Variants in ARMH4 observed in about 807,000 individuals in gnomAD.
The protein encoded by ARMH4 is armadillo like helical domain containing 4.
ARMH4 carries 49 observed loss-of-function variants against 61.9 expected under a neutral mutation model. The observed-to-expected ratio is 0.79, with a 90% CI of 0.63 to 1.00. The LOEUF (loss-of-function observed/expected upper bound fraction) is 1.00. Ranked by LOEUF, ARMH4 falls within the 50% of genes least tolerant of loss-of-function variation. The pLI is 0.00. For synonymous variants in ARMH4, 368 were observed against 341.5 expected, an observed-to-expected ratio of 1.08 and a Z score of -0.85; for missense variants, 934 against 930.0, an observed-to-expected ratio of 1.00 and a Z score of -0.06.
At chr14:58,031,967 G>A (rs1376308615) in intron 5 of ARMH4, among the ~76,000 whole-genome samples, 1 of 152,132 alleles carries the variant, frequency 6.6e-6, no homozygotes, top group Non-Finnish European at 1.5e-5. Context: ...GAAAAAGTCT[G>A]ACCTTCACTC....
Position 58,057,962 on chromosome 14 carries a change from T to C in ARMH4, c.2089+38762A>G, listed in dbSNP as rs573214209. ...AGTATGAGAGTTCAAACAAGCAGTATAAAACAACCACAGTACACACAGAAA... is the reference window on the plus strand; with the variant it reads ...AGTATGAGAGTTCAAACAAGCAGTACAAAACAACCACAGTACACACAGAAA... On this transcript the variant is annotated intron_variant, in intron 5 of 7. Coordinates refer to ENST00000267485, the MANE Select transcript of ARMH4 (RefSeq NM_001001872.4). Among the ~76,000 whole-genome samples, 3 of 152,286 alleles carry C rather than the reference T, an allele frequency of 2.0e-5. No homozygotes were observed. The East Asian group carries it at 5.8e-4, about 29-fold the overall frequency.
chr14:58,116,436 A>G, intron 4 of ARMH4: 2 of 383,932 alleles, frequency 5.2e-6, no homozygotes, highest in African/African-American at 2.1e-5. Context: ...ACACTTTGGG[A>G]GGCCGAGGCA....
chr14:58,014,801 C>T (rs962515641), intron 5 of ARMH4, among the ~76,000 whole-genome samples: 2 of 152,106 alleles, frequency 1.3e-5, no homozygotes, highest in Non-Finnish European at 2.9e-5. Flanking sequence ...AATGTAGGGA[C>T]TAAAGAGTGA....
At chr14:58,028,696 G>A (rs929978641) in intron 5 of ARMH4, among the ~76,000 whole-genome samples, 1 of 152,150 alleles carries the variant, frequency 6.6e-6, no homozygotes, top group Non-Finnish European at 1.5e-5. Flanking sequence ...TGGCTGCAGT[G>A]CAGGAGGCCA....
At chr14:58,148,564 C>G (rs1887822465) in intron 1 of ARMH4, among the ~76,000 whole-genome samples, 1 of 152,034 alleles carries the variant, frequency 6.6e-6, no homozygotes, top group African/African-American at 2.4e-5. Flanking sequence ...TTGTTTGCCA[C>G]ATAATTAGTA....
At chr14:58,012,548 A>G (rs767200596) in intron 5 of ARMH4, among the ~76,000 whole-genome samples, 1 of 152,182 alleles carries the variant, frequency 6.6e-6, no homozygotes, top group Non-Finnish European at 1.5e-5. Flanking sequence ...GCTTGAATCA[A>G]TATCAGAGGG....
chr14:58,143,934 C>A (rs1304717134), intron 1 of ARMH4, among the ~76,000 whole-genome samples: 1 of 151,648 alleles, frequency 6.6e-6, no homozygotes, highest in African/African-American at 2.4e-5. Context: ...CCATCACACC[C>A]AGCTAATTTT....
chr14:58,004,673 TGC>T lies in ARMH4; in HGVS notation c.*61_*62del. On this transcript the variant is annotated 3_prime_UTR_variant, in exon 8 of 8. Transcript: ENST00000267485. ...TGGCAGGTTGTTCTTTTTTTTTTTC[TGC>T]TCCAAAATAAAAATTAGAATAGTAG... 6.0e-6 allele frequency: 8 copies of T among 1,328,678 alleles called. No homozygotes were observed. Among genetic ancestry groups the T allele is most frequent in the Admixed American group, 2.0e-5 (1 of 50,712 alleles). The allele number at this position is 1,328,678 out of a possible 1,614,324, so 82.3% of individuals were successfully genotyped here.
chr14:58,031,124 G>A (rs974933357), intron 5 of ARMH4, among the ~76,000 whole-genome samples: 3 of 152,202 alleles, frequency 2.0e-5, no homozygotes, highest in African/African-American at 4.8e-5. Flanking sequence ...AAAGTGTTAT[G>A]TATTTATGAA....
At chr14:58,072,929 C>T (rs1402432824) in intron 5 of ARMH4, among the ~76,000 whole-genome samples, 3 of 152,170 alleles carry the variant, frequency 2.0e-5, no homozygotes, top group African/African-American at 7.2e-5. Flanking sequence ...GAAAATACTT[C>T]TGTGTATATT....
chr14:58,122,542 C>G (rs890194677), intron 4 of ARMH4, among the ~76,000 whole-genome samples: 4 of 152,090 alleles, frequency 2.6e-5, no homozygotes, highest in African/African-American at 9.7e-5. Flanking sequence ...CGGAGCAAAA[C>G]TTAGAAACCC....
At chr14:58,126,669 A>G (rs923745412) in intron 4 of ARMH4, among the ~76,000 whole-genome samples, 2 of 152,216 alleles carry the variant, frequency 1.3e-5, no homozygotes, top group African/African-American at 2.4e-5. Flanking sequence ...AACTAAATAT[A>G]AAGACAGACA....
intron 5 of ARMH4, among the ~76,000 whole-genome samples, chr14:58,091,460 G>GA: frequency 6.6e-6 from 1 of 151,996 alleles, no homozygotes; most frequent in South Asian, 2.1e-4. Context: ...GTTTTGAGGG[G>GA]AAAAAAATGT....
At chr14:58,101,269 T>G (rs953899670) in intron 4 of ARMH4, 2 of 152,504 alleles carry the variant, frequency 1.3e-5, no homozygotes, top group African/African-American at 4.8e-5. Context: ...CAGAGAATTC[T>G]GTCACAAATT....
At chr14:58,026,515 T>C (rs1883025993) in intron 5 of ARMH4, among the ~76,000 whole-genome samples, 1 of 152,160 alleles carries the variant, frequency 6.6e-6, no homozygotes, top group Non-Finnish European at 1.5e-5. Flanking sequence ...AATTCATTGG[T>C]GAAAAAGAAA....
At chr14:58,091,999 C>T (rs889454472) in intron 5 of ARMH4, among the ~76,000 whole-genome samples, 11 of 152,198 alleles carry the variant, frequency 7.2e-5, no homozygotes, top group African/African-American at 2.4e-4. Context: ...AACAGAAGTA[C>T]AGAGAATTTG....
chr14:58,024,824 G>C (rs1882965567), intron 5 of ARMH4, among the ~76,000 whole-genome samples: 1 of 152,128 alleles, frequency 6.6e-6, no homozygotes, highest in Non-Finnish European at 1.5e-5. Context: ...AAGAACGGGA[G>C]AGTGATTAGG....
intron 5 of ARMH4, among the ~76,000 whole-genome samples, chr14:58,094,548 T>C (rs944421196): frequency 4.6e-5 from 7 of 152,130 alleles, no homozygotes; most frequent in Admixed American, 3.3e-4. Context: ...CAGCTATATA[T>C]ATGTGTGTGG....
At chr14:58,041,932 C>G (rs1883722602) in intron 5 of ARMH4, among the ~76,000 whole-genome samples, 1 of 152,092 alleles carries the variant, frequency 6.6e-6, no homozygotes, top group Non-Finnish European at 1.5e-5. Context: ...ACAGGAGCAT[C>G]TAGATTCATA....
Sources: gnomAD v4.1 joint callset for allele counts (sites outside exome capture counted in the v4.1 genomes callset) on GRCh38, gnomAD v4.1.1 for gene constraint, MANE v1.5 for transcripts, NCBI Gene and HGNC (gene_info 2026-07-23, HGNC 2026-07-21) for gene names.